Variants in PLXNA2 observed in about 807,000 individuals in gnomAD.
The protein encoded by PLXNA2 is plexin-A2.
PLXNA2 carries 91 observed loss-of-function variants against 193.5 expected under a neutral mutation model. The observed-to-expected ratio is 0.47, with a 90% CI of 0.40 to 0.56. The LOEUF is 0.56. Among genes scored for constraint, PLXNA2 ranks in the 20% least tolerant of loss-of-function variants. The pLI is 0.00. For synonymous variants in PLXNA2, 997 were observed against 1,027.3 expected, an observed-to-expected ratio of 0.97 and a Z score of 0.56; for missense variants, 1,995 against 2,503.2, an observed-to-expected ratio of 0.80 and a Z score of 4.33.
chr1:208,040,040 T>C lies in PLXNA2; in HGVS notation c.4305A>G (p.Glu1435=), dbSNP rs2102315072. 1.2e-6 allele frequency: 2 copies of C among 1,614,092 alleles called. No homozygotes were observed. Among genetic ancestry groups the C allele is most frequent in the South Asian group, 1.1e-5 (1 of 91,080 alleles). ...AGGCGAACCAATTGGTCAGCATCTT[T>C]TCAGCCACAGACTCTGTCCTGGGGA... ...LLLRRTESVA[E]KMLTNWFAFL... is the part of the protein sequence containing the mutation. Residue 1435 remains glutamate, a synonymous_variant, in exon 23 of 32, where the codon GAA becomes GAG. Transcript: ENST00000367033.
chr1:208,152,656 C>T (rs1668799304), intron 3 of PLXNA2, among the ~76,000 whole-genome samples: 1 of 141,558 alleles, frequency 7.1e-6, no homozygotes, highest in Admixed American at 7.8e-5. Context: ...GGCATGTATT[C>T]ATGCATACAC....
At chr1:208,046,827 T>TGTGTG (rs1553273442) in intron 17 of PLXNA2, among the ~76,000 whole-genome samples, 1 of 150,230 alleles carries the variant, frequency 6.7e-6, no homozygotes, top group Non-Finnish European at 1.5e-5. Flanking sequence ...TGTGTGTGTG[T>TGTGTG]GTGTGTGTGT....
chr1:208,225,983 CA>C (rs1156590549), intron 1 of PLXNA2, among the ~76,000 whole-genome samples: 1 of 152,206 alleles, frequency 6.6e-6, no homozygotes, highest in Non-Finnish European at 1.5e-5. Context: ...GAAAGGCACT[CA>C]AACTTCATGG....
rs58657209 is a variant in PLXNA2 at position 208,243,682 on chromosome 1, G to C, written c.-120C>G. ...TCGGTCTGTCCTTCCGTCCCCGCTCGGTCTACCTCGGCCGCCGCCGGCTGC... is the reference window on the plus strand; with the variant it reads ...TCGGTCTGTCCTTCCGTCCCCGCTCCGTCTACCTCGGCCGCCGCCGGCTGC... On this transcript the variant is annotated 5_prime_UTR_variant, in exon 1 of 32. Transcript: ENST00000367033. 0.094 allele frequency: 14,381 copies of C among 152,232 alleles called. 849 individuals are homozygous for C. The highest frequency in any genetic ancestry group is 0.26 in the East Asian group (1,344 of 5,160). The allele number at this position is 152,232 out of a possible 1,614,324, so 9.4% of individuals were successfully genotyped here.
chr1:208,202,621 C>G (rs925348562), intron 3 of PLXNA2, among the ~76,000 whole-genome samples: 2 of 152,204 alleles, frequency 1.3e-5, no homozygotes, highest in Non-Finnish European at 2.9e-5. Flanking sequence ...AATCCACAGA[C>G]AGGCAAGGCT....
At chr1:208,163,977 T>C (rs1669216148) in intron 3 of PLXNA2, among the ~76,000 whole-genome samples, 1 of 152,214 alleles carries the variant, frequency 6.6e-6, no homozygotes, top group African/African-American at 2.4e-5. Context: ...AAGGGGCCGC[T>C]TCCCCCCATG....
intron 4 of PLXNA2, among the ~76,000 whole-genome samples, chr1:208,103,593 C>T (rs1204862065): frequency 3.9e-5 from 6 of 152,190 alleles, no homozygotes; most frequent in Non-Finnish European, 2.9e-5. Context: ...TATTGAGTGG[C>T]ACAAACTCAT....
chr1:208,111,930 G>A (rs1003853781), intron 4 of PLXNA2, among the ~76,000 whole-genome samples: 1 of 152,202 alleles, frequency 6.6e-6, no homozygotes, highest in Non-Finnish European at 1.5e-5. Flanking sequence ...TGCAACTAAA[G>A]CAATGCACAA....
At chr1:208,218,141 A>C (rs991809804) in intron 1 of PLXNA2, 139 bp from the exon 2 acceptor site, 15 of 680,286 alleles carry the variant, frequency 2.2e-5, no homozygotes, top group Non-Finnish European at 3.5e-5. Flanking sequence ...TATTTTTAAC[A>C]TACTTTCTCC....
intron 3 of PLXNA2, among the ~76,000 whole-genome samples, chr1:208,167,016 T>G (rs1571989206): frequency 6.6e-6 from 1 of 152,162 alleles, no homozygotes; most frequent in South Asian, 2.1e-4. Context: ...GAGCAGAGCT[T>G]GGGGCTACGT....
chr1:208,131,495 C>T (rs1292094856), intron 4 of PLXNA2, among the ~76,000 whole-genome samples: 2 of 152,160 alleles, frequency 1.3e-5, no homozygotes, highest in Admixed American at 6.5e-5. Flanking sequence ...CACAAGGGAG[C>T]GCTCCTGGAA....
chr1:208,042,982 C>T, intron 21 of PLXNA2, 79 bp downstream of exon 21: 2 of 1,460,104 alleles, frequency 1.4e-6, no homozygotes, highest in Non-Finnish European at 1.9e-6. Context: ...CTCAGTACTG[C>T]TGAGTCTCAT....
At chr1:208,208,687 T>C (rs553219221) in intron 3 of PLXNA2, among the ~76,000 whole-genome samples, 9 of 152,322 alleles carry the variant, frequency 5.9e-5, no homozygotes, top group Non-Finnish European at 1.2e-4. Context: ...GTGTGGTTTC[T>C]GCTGGCCCTT....
intron 14 of PLXNA2, 32 bp downstream of exon 14, chr1:208,054,389 C>G: frequency 6.9e-7 from 1 of 1,454,670 alleles, no homozygotes; most frequent in Non-Finnish European, 9.6e-7. Flanking sequence ...CCTCCCTGGG[C>G]ACCTGCACCT....
chr1:208,166,160 G>C (rs1480981841), intron 3 of PLXNA2, among the ~76,000 whole-genome samples: 1 of 152,206 alleles, frequency 6.6e-6, no homozygotes, highest in Non-Finnish European at 1.5e-5. Context: ...ACAATAGTGA[G>C]ATTTTGAAAA....
rs1664348365 is a variant in PLXNA2 at position 208,026,643 on chromosome 1, C to T, written c.*600G>A. 1.1e-5 allele frequency: 1 copy of T among 92,474 alleles called. No individual in the cohort carries two copies. The highest frequency in any genetic ancestry group is 1.2e-4 in the Admixed American group (1 of 8,312). 5.7% of individuals were successfully genotyped at this position (92,474 alleles called of 1,614,324 possible). A position where few individuals can be genotyped will look rare whatever the true frequency, so the allele number is the denominator to read the frequency against. On this transcript the variant is annotated 3_prime_UTR_variant, in exon 32 of 32. Coordinates refer to ENST00000367033, the MANE Select transcript of PLXNA2 (RefSeq NM_025179.4). ...TACTTGTGCTCATCATTCTTCTTCT[C>T]CTCTTTCTCTTTTTTTTTTTTTTTT...
chr1:208,054,731 C>T (rs1665371564), intron 13 of PLXNA2, among the ~76,000 whole-genome samples, 193 bp from the exon 14 acceptor site: 1 of 152,240 alleles, frequency 6.6e-6, no homozygotes. Flanking sequence ...GTCTCATCTG[C>T]ACAGTGTGAA....
rs1168399189 is a variant in PLXNA2 at position 208,028,703 on chromosome 1, G to A, written c.5438+127C>T. On this transcript the variant is annotated intron_variant, in intron 30 of 31. Transcript: ENST00000367033. This position sits in a 1 kb window ranked among gnomAD's most constrained non-coding sequence, Gnocchi z 4.2. ...CCTCCCGCAGCAGGGGGTGTGGCAG[G>A]GAGGGGAGTGGGAGGTCCTGAAGAG... The A allele has an allele frequency of 1.3e-6, 1 of 794,462 alleles. No individual in the cohort carries two copies. The highest frequency in any genetic ancestry group is 2.0e-6 in the Non-Finnish European group (1 of 500,654). 49.2% of individuals were successfully genotyped at this position (794,462 alleles called of 1,614,324 possible).
chr1:208,203,302 C>A (rs1332973678), intron 3 of PLXNA2, among the ~76,000 whole-genome samples: 1 of 152,164 alleles, frequency 6.6e-6, no homozygotes, highest in East Asian at 1.9e-4. Context: ...ACCACCACCC[C>A]ACCCCTTCCA....
Sources: allele counts gnomAD v4.1 joint callset (sites outside exome capture counted in the v4.1 genomes callset), GRCh38; gene constraint gnomAD v4.1.1; non-coding constraint Gnocchi (gnomAD v3.1); transcripts MANE v1.5; gene names NCBI Gene and HGNC (gene_info 2026-07-23, HGNC 2026-07-21).